Variants in PTPRD observed in about 807,000 individuals in gnomAD.
PTPRD encodes receptor-type tyrosine-protein phosphatase delta.
PTPRD carries 34 observed loss-of-function variants against 214.5 expected under a neutral mutation model. The observed-to-expected ratio is 0.16, with a 90% CI of 0.12 to 0.21. The LOEUF is 0.21. Ranked by LOEUF, PTPRD falls within the 10% of genes least tolerant of loss-of-function variation. The probability of loss-of-function intolerance (pLI) is 1.00; values close to 1 mark genes in which losing one functional copy is unlikely to be tolerated. For missense variants in PTPRD, 2,545 were observed against 2,398.7 expected, an observed-to-expected ratio of 1.06 and a Z score of -1.27; for synonymous variants, 1,128 against 845.7, an observed-to-expected ratio of 1.33 and a Z score of -5.79.
chr9:9,758,795 A>T (rs911396898), intron 6 of PTPRD, among the ~76,000 whole-genome samples: 1 of 150,218 alleles, frequency 6.7e-6, no homozygotes, highest in Non-Finnish European at 1.5e-5. Flanking sequence ...AGCAACTGGA[A>T]CATCAAGTCT....
At chr9:9,539,652 T>C (rs181194471) in intron 8 of PTPRD, among the ~76,000 whole-genome samples, 1 of 151,948 alleles carries the variant, frequency 6.6e-6, no homozygotes, top group Non-Finnish European at 1.5e-5. Flanking sequence ...GGATAAAATA[T>C]ACAAGTAAAA....
chr9:10,351,355 G>A (rs1249052860), intron 2 of PTPRD, among the ~76,000 whole-genome samples: 2 of 152,000 alleles, frequency 1.3e-5, no homozygotes, highest in East Asian at 1.9e-4. Context: ...TCATATGGTC[G>A]ACACTAACCA....
chr9:10,381,188 T>C (rs773012321), intron 2 of PTPRD, among the ~76,000 whole-genome samples: 1 of 152,028 alleles, frequency 6.6e-6, no homozygotes, highest in Non-Finnish European at 1.5e-5. Context: ...CTCACTATCT[T>C]TTTCTTTTTT....
At chr9:9,250,840 CTA>C (rs2099975182) in intron 9 of PTPRD, among the ~76,000 whole-genome samples, 1 of 152,040 alleles carries the variant, frequency 6.6e-6, no homozygotes, top group Non-Finnish European at 1.5e-5. Flanking sequence ...CTGTGCATTC[CTA>C]TGATAGCAGC....
At chr9:10,290,042 C>G (rs537138721) in intron 3 of PTPRD, among the ~76,000 whole-genome samples, 1 of 152,114 alleles carries the variant, frequency 6.6e-6, no homozygotes, top group African/African-American at 2.4e-5. Flanking sequence ...ATTAAAATAA[C>G]AAAGAAAATC....
chr9:10,090,354 T>C (rs1567619156), intron 3 of PTPRD, among the ~76,000 whole-genome samples: 1 of 151,482 alleles, frequency 6.6e-6, no homozygotes, highest in Non-Finnish European at 1.5e-5. Flanking sequence ...TAGAATTTGA[T>C]CATCAAAATA....
intron 39 of PTPRD, among the ~76,000 whole-genome samples, chr9:8,346,992 C>T (rs1229068265): frequency 5.3e-5 from 8 of 152,014 alleles, no homozygotes; most frequent in African/African-American, 1.7e-4. Flanking sequence ...GGGTGAAATA[C>T]ATGAACAGAA....
chr9:8,906,774 C>T (rs190781674), intron 11 of PTPRD, among the ~76,000 whole-genome samples: 2 of 152,078 alleles, frequency 1.3e-5, no homozygotes, highest in Admixed American at 1.3e-4. Flanking sequence ...AAATTGTGGT[C>T]TTTTCGGCAG....
At chr9:8,839,836 A>G (rs1209354914) in intron 11 of PTPRD, among the ~76,000 whole-genome samples, 1 of 152,212 alleles carries the variant, frequency 6.6e-6, no homozygotes, top group African/African-American at 2.4e-5. Context: ...TTCATGAAAT[A>G]TTCGGCAGCC....
chr9:9,878,476 G>A (rs766228830), intron 5 of PTPRD, among the ~76,000 whole-genome samples: 2 of 152,116 alleles, frequency 1.3e-5, no homozygotes, highest in Admixed American at 6.6e-5. Context: ...AGACTTAAAG[G>A]ATGAATAGGC....
rs369042207 is a variant in PTPRD at position 10,119,734 on chromosome 9, G to A, written c.-544-85944C>T. Among the ~76,000 whole-genome samples the A allele has an allele frequency of 1.3e-4, 20 of 151,992 alleles. 1 individual carries two copies. The highest frequency in any genetic ancestry group is 8.3e-4 in the South Asian group (4 of 4,814). On this transcript the variant is annotated intron_variant, in intron 3 of 45. Transcript: ENST00000381196. ...TTCCACAGCAAGAAGGGAAATCATC[G>A]TCTTCTGTTAGAACAAAAATTTATT...
intron 6 of PTPRD, among the ~76,000 whole-genome samples, chr9:9,735,204 G>A (rs553336717): frequency 9.2e-5 from 14 of 152,240 alleles, no homozygotes; most frequent in African/African-American, 3.4e-4. Context: ...GCCATGGGAT[G>A]CAAAGGTTTT....
chr9:10,024,621 C>T (rs1339146612), intron 4 of PTPRD, among the ~76,000 whole-genome samples: 2 of 151,486 alleles, frequency 1.3e-5, no homozygotes, highest in Non-Finnish European at 2.9e-5. Context: ...TTTTATGATT[C>T]TTTTTTTTAA....
At chr9:8,781,920 T>C (rs1218590843) in intron 11 of PTPRD, among the ~76,000 whole-genome samples, 1 of 152,156 alleles carries the variant, frequency 6.6e-6, no homozygotes, top group Non-Finnish European at 1.5e-5. Context: ...CCATAAGACA[T>C]TCTAGTAAAT....
chr9:9,372,568 A>T (rs10481531), intron 9 of PTPRD, among the ~76,000 whole-genome samples: 3,723 of 152,020 alleles, frequency 0.024, 141 homozygotes, highest in African/African-American at 0.084. Flanking sequence ...TCTTTATCCC[A>T]TTTGCCAGTC....
chr9:8,571,664 G>A (rs975814484), intron 14 of PTPRD, among the ~76,000 whole-genome samples: 77 of 152,086 alleles, frequency 5.1e-4, no homozygotes, highest in African/African-American at 1.6e-3. Context: ...TTCAGATTTA[G>A]AAAAACAATA....
chr9:10,529,901 T>C lies in PTPRD; in HGVS notation c.-600+82497A>G, dbSNP rs2055647505. Among the ~76,000 whole-genome samples, 3 of 151,530 alleles carry C rather than the reference T, an allele frequency of 2.0e-5. No homozygotes were observed. The South Asian group carries it at 6.3e-4, about 32-fold the overall frequency. ...GGGGAACATCACACACTGGGGCCTG[T>C]CTTGGGGTGGGGGGCAAGAGAAGGG... On this transcript the variant is annotated intron_variant, in intron 2 of 45. Transcript: ENST00000381196.
intron 2 of PTPRD, among the ~76,000 whole-genome samples, chr9:10,396,596 A>G (rs969394633): frequency 6.6e-5 from 10 of 152,032 alleles, no homozygotes; most frequent in South Asian, 4.1e-4. Flanking sequence ...GTGTAACTGA[A>G]ATCAATCCAT....
At chr9:10,377,883 T>A (rs1011891143) in intron 2 of PTPRD, among the ~76,000 whole-genome samples, 15 of 152,086 alleles carry the variant, frequency 9.9e-5, no homozygotes, top group Non-Finnish European at 1.9e-4. Context: ...AGTGCAGAGA[T>A]CTCATTGATA....
Sources: allele counts gnomAD v4.1 joint callset (sites outside exome capture counted in the v4.1 genomes callset), GRCh38; gene constraint gnomAD v4.1.1; transcripts MANE v1.5; gene names NCBI Gene and HGNC (gene_info 2026-07-23, HGNC 2026-07-21).